The following DPRX variants were observed in gnomAD, a reference collection of about 807,000 sequenced individuals.
The protein encoded by DPRX is divergent-paired related homeobox.
DPRX carries 11 observed loss-of-function variants against 8.4 expected under a neutral mutation model. That is an observed-to-expected ratio of 1.31 (90% confidence interval 0.82 to 2.17). DPRX has a LOEUF of 2.17. Ranked by LOEUF, DPRX falls within the 30% of genes most tolerant of loss-of-function variation. DPRX has a pLI of 0.00. For missense variants in DPRX, 211 were observed against 236.7 expected, an observed-to-expected ratio of 0.89 and a Z score of 0.71; for synonymous variants, 72 against 87.0, an observed-to-expected ratio of 0.83 and a Z score of 0.96.
At chr19:53,604,618 G>T in the DPRX span, 2 of 152,232 alleles carry the variant, frequency 1.3e-5, no homozygotes, top group African/African-American at 4.8e-5. Flanking sequence ...TAAGGTGAGC[G>T]GATCACCTGA....
At chr19:53,627,957 G>A (rs1283741081), upstream of DPRX, among the ~76,000 whole-genome samples, 2 of 151,838 alleles carry the variant, frequency 1.3e-5, no homozygotes, top group African/African-American at 2.4e-5. Context: ...GCTTGAATCC[G>A]GGAGGCGGAG....
chr19:53,602,351 C>A, the DPRX span, among the ~76,000 whole-genome samples: 1 of 147,494 alleles, frequency 6.8e-6, no homozygotes, highest in Non-Finnish European at 1.5e-5. Flanking sequence ...CGTGTCAGCA[C>A]ACCCAAATAC....
At chr19:53,636,195 G>A (rs1192918102) in intron 2 of DPRX, among the ~76,000 whole-genome samples, 2 of 151,860 alleles carry the variant, frequency 1.3e-5, no homozygotes, top group Non-Finnish European at 2.9e-5. Context: ...GTGAAACCCT[G>A]TCTGTACTAA....
chr19:53,618,097 G>A, the DPRX span, among the ~76,000 whole-genome samples: 11,365 of 150,214 alleles, frequency 0.076, 1,444 homozygotes, highest in African/African-American at 0.26. Flanking sequence ...AGCCTAGATC[G>A]CTGCCACTGC....
At chr19:53,603,655 C>T in the DPRX span, 2 of 226,358 alleles carry the variant, frequency 8.8e-6, no homozygotes, top group South Asian at 5.9e-5. Flanking sequence ...TTTCATCTAC[C>T]CGTATCCACT....
chr19:53,611,274 A>G, the DPRX span, among the ~76,000 whole-genome samples: 3 of 151,562 alleles, frequency 2.0e-5, no homozygotes, highest in Non-Finnish European at 4.4e-5. Flanking sequence ...TAATTTTTTT[A>G]AATTTTTTTT....
the DPRX span, among the ~76,000 whole-genome samples, chr19:53,613,859 T>G: frequency 6.6e-6 from 1 of 151,840 alleles, no homozygotes; most frequent in East Asian, 1.9e-4. Context: ...GATTGAGGAT[T>G]TTTTTTTCCT....
the DPRX span, among the ~76,000 whole-genome samples, chr19:53,619,255 T>A: frequency 6.6e-6 from 1 of 151,944 alleles, no homozygotes; most frequent in Non-Finnish European, 1.5e-5. Context: ...TAAGGACATG[T>A]TGAGGCCAGG....
chr19:53,620,285 G>A, the DPRX span, among the ~76,000 whole-genome samples: 9 of 151,920 alleles, frequency 5.9e-5, no homozygotes, highest in South Asian at 1.7e-3. Flanking sequence ...TAGCCAGGAT[G>A]GTCTCGATCT....
the DPRX span, among the ~76,000 whole-genome samples, chr19:53,624,928 A>G: frequency 6.6e-6 from 1 of 152,022 alleles, no homozygotes; most frequent in Non-Finnish European, 1.5e-5. Flanking sequence ...GTATGGTCAC[A>G]GAAACAGGAA....
intron 1 of DPRX, among the ~76,000 whole-genome samples, chr19:53,634,003 T>C (rs1339037183): frequency 3.9e-5 from 6 of 152,164 alleles, no homozygotes; most frequent in Non-Finnish European, 8.8e-5. Context: ...AACCTTTTCC[T>C]ATGAAAATGA....
chr19:53,624,079 C>CTTTT, the DPRX span, among the ~76,000 whole-genome samples: 8 of 93,286 alleles, frequency 8.6e-5, 1 homozygote, highest in East Asian at 2.8e-4. Context: ...ATTGTTGTAC[C>CTTTT]TTTTTTTTTT....
rs550826779 is a variant in DPRX, at chr19:53,632,128, CG to C, written c.23del (p.Arg8LeufsTer24). ...GAAGATGCCAGGCTCAGAGGATCTT[CG>C]TAAAGGTAAGCCAGAAAAAATGAGA... On this transcript the variant is annotated frameshift_variant, in exon 1 of 3. Transcript: ENST00000376650. LOFTEE classifies it high-confidence loss of function. 36 of 1,613,850 alleles carry C rather than the reference CG, an allele frequency of 2.2e-5. 1 individual carries two copies. The South Asian group carries it at 3.7e-4, about 17-fold the overall frequency.
chr19:53,616,789 C>T, the DPRX span: 3 of 1,574,002 alleles, frequency 1.9e-6, no homozygotes, highest in Non-Finnish European at 1.7e-6. Flanking sequence ...GAGAATGGCC[C>T]TTGCTGCCAC....
At chr19:53,636,013 G>A (rs1408436468) in intron 2 of DPRX, among the ~76,000 whole-genome samples, 2 of 152,160 alleles carry the variant, frequency 1.3e-5, no homozygotes, top group East Asian at 3.9e-4. Flanking sequence ...CAAAGAGGAT[G>A]TAAGTGGCCA....
chr19:53,622,670 C>A, the DPRX span, among the ~76,000 whole-genome samples: 3 of 152,116 alleles, frequency 2.0e-5, no homozygotes, highest in Non-Finnish European at 4.4e-5. Flanking sequence ...TACCTCATTT[C>A]TCTGCCCAGT....
chr19:53,616,661 G>A, the DPRX span: 1 of 654,726 alleles, frequency 1.5e-6, no homozygotes. Context: ...AACTGAGGCG[G>A]GAGAATCCCT....
chr19:53,604,790 C>T, the DPRX span, among the ~76,000 whole-genome samples: 1 of 149,950 alleles, frequency 6.7e-6, no homozygotes, highest in Non-Finnish European at 1.5e-5. Flanking sequence ...TTGCAGTGAG[C>T]TGAGATCGTG....
chr19:53,602,357 AAT>A, the DPRX span, among the ~76,000 whole-genome samples: 1 of 141,080 alleles, frequency 7.1e-6, no homozygotes, highest in African/African-American at 2.8e-5. Context: ...AGCACACCCA[AAT>A]ACTTTTTTTT....
Sources: gnomAD v4.1 joint callset for allele counts (sites outside exome capture counted in the v4.1 genomes callset) on GRCh38, gnomAD v4.1.1 for gene constraint, MANE v1.5 for transcripts, NCBI Gene and HGNC (gene_info 2026-07-23, HGNC 2026-07-21) for gene names.